Variants in PLB1 observed in about 807,000 individuals in gnomAD.
PLB1 encodes the protein phospholipase B1, membrane-associated.
A neutral mutation model predicts 227.4 loss-of-function variants in PLB1; 242 were observed. The ratio of observed to expected loss-of-function variants is 1.06; its 90% CI spans 0.96 to 1.18. The LOEUF is 1.18. Among genes scored for constraint, PLB1 ranks in the 50% most tolerant of loss-of-function variants. PLB1 has a pLI of 0.00. For synonymous variants in PLB1, 757 were observed against 682.2 expected, an observed-to-expected ratio of 1.11 and a Z score of -1.71; for missense variants, 1,858 against 1,816.3, an observed-to-expected ratio of 1.02 and a Z score of -0.42.
intron 49 of PLB1, among the ~76,000 whole-genome samples, chr2:28,622,553 C>T (rs1274401596): frequency 2.6e-5 from 4 of 152,218 alleles, no homozygotes; most frequent in African/African-American, 9.6e-5. Context: ...AATAAGAATT[C>T]ATTGAACACC....
At chr2:28,554,811 A>G (rs1674798209) in intron 17 of PLB1, among the ~76,000 whole-genome samples, 1 of 152,134 alleles carries the variant, frequency 6.6e-6, no homozygotes, top group Admixed American at 6.5e-5. Flanking sequence ...GCTGGGTAAA[A>G]TGTAAACCTC....
intron 1 of PLB1, among the ~76,000 whole-genome samples, chr2:28,509,847 G>A (rs1668032159): frequency 6.6e-6 from 1 of 152,160 alleles, no homozygotes; most frequent in South Asian, 2.1e-4. Context: ...GCACCTTGGG[G>A]TACTGTGGGA....
At chr2:28,520,593 A>G (rs1392673883) in intron 4 of PLB1, among the ~76,000 whole-genome samples, 2 of 152,194 alleles carry the variant, frequency 1.3e-5, no homozygotes, top group Non-Finnish European at 2.9e-5. Flanking sequence ...TACCCATGAA[A>G]TAACATCTCA....
chr2:28,589,944 C>G, intron 28 of PLB1, 61 bp from the exon 29 acceptor site: 1 of 1,512,640 alleles, frequency 6.6e-7, no homozygotes, highest in Non-Finnish European at 9.2e-7. Context: ...TGACCTGCGT[C>G]CTGAGCTTTC....
chr2:28,539,838 G>T (rs959259172), intron 11 of PLB1, among the ~76,000 whole-genome samples: 4 of 151,858 alleles, frequency 2.6e-5, no homozygotes, highest in African/African-American at 7.3e-5. Context: ...GGAGGACTGA[G>T]AGATGAAGGG....
In PLB1 at chr2:28,537,681, A is replaced by C. The variant is rs1339201499; in HGVS notation, c.556-638A>C. Among the ~76,000 whole-genome samples, 11 of 142,388 alleles carry C rather than the reference A, an allele frequency of 7.7e-5. No homozygotes were observed. In the East Asian group the frequency reaches 2.2e-3, roughly 28 times the overall value. The allele number at this position is 142,388 out of a possible 152,430, so 93.4% of individuals were successfully genotyped here. A position where few individuals can be genotyped will look rare whatever the true frequency, so the allele number is the denominator to read the frequency against. On this transcript the variant is annotated intron_variant, in intron 9 of 57. Transcript: ENST00000327757. ...CTCAAAAAAAAAAAAAAAAAAAAAA[A>C]GGTAAAGCAGGGTCCGTTTTTGAGG... is the stretch of plus-strand genomic sequence containing the variant.
chr2:28,573,930 C>T (rs144661156), intron 21 of PLB1, among the ~76,000 whole-genome samples: 4 of 152,350 alleles, frequency 2.6e-5, no homozygotes, highest in East Asian at 3.9e-4. Flanking sequence ...GGCAGTAATG[C>T]AGCAAGGTGG....
chr2:28,635,825 C>T (rs1689231383), intron 56 of PLB1, among the ~76,000 whole-genome samples: 1 of 152,182 alleles, frequency 6.6e-6, no homozygotes, highest in Non-Finnish European at 1.5e-5. Flanking sequence ...TGCCTCTACT[C>T]CCTCTTCTGC....
intron 34 of PLB1, 120 bp from the exon 35 acceptor site, chr2:28,598,532 C>T: frequency 2.6e-6 from 2 of 756,740 alleles, no homozygotes; most frequent in Non-Finnish European, 4.6e-6. Flanking sequence ...CCTGCCTCTC[C>T]CCAGGAAGCA....
chr2:28,504,541 G>A (rs555427117), intron 1 of PLB1, among the ~76,000 whole-genome samples: 6 of 152,174 alleles, frequency 3.9e-5, no homozygotes, highest in African/African-American at 1.2e-4. Flanking sequence ...TCAGGAGTTC[G>A]AGACCAGCCT....
At chr2:28,526,885 C>G (rs1330525756) in intron 6 of PLB1, among the ~76,000 whole-genome samples, 1 of 152,134 alleles carries the variant, frequency 6.6e-6, no homozygotes, top group Non-Finnish European at 1.5e-5. Flanking sequence ...ACTCATGGTC[C>G]AGCAGGGAAG....
intron 35 of PLB1, among the ~76,000 whole-genome samples, chr2:28,599,109 T>C (rs1167214088): frequency 5.3e-5 from 8 of 152,208 alleles, no homozygotes; most frequent in Non-Finnish European, 1.2e-4. Context: ...AAGTGGCAAT[T>C]TCCCAAAAAG....
intron 17 of PLB1, among the ~76,000 whole-genome samples, chr2:28,559,334 T>G (rs1467288009): frequency 6.6e-6 from 1 of 152,256 alleles, no homozygotes; most frequent in African/African-American, 2.4e-5. Flanking sequence ...CAGCCATCTG[T>G]GTTTTCACAG....
intron 1 of PLB1, among the ~76,000 whole-genome samples, chr2:28,508,567 G>A (rs1364748431): frequency 2.0e-5 from 3 of 152,174 alleles, no homozygotes; most frequent in Admixed American, 6.5e-5. Flanking sequence ...GTCCCTATAG[G>A]TCACATAGGG....
intron 4 of PLB1, among the ~76,000 whole-genome samples, chr2:28,523,335 G>GTTTT (rs199936505): frequency 3.0e-4 from 35 of 116,858 alleles, no homozygotes; most frequent in East Asian, 1.3e-3. Context: ...TATCTGCGAG[G>GTTTT]TTTTTTTTTT....
At chr2:28,516,969 C>T (rs1668926966) in intron 2 of PLB1, 100 bp downstream of exon 2, 1 of 1,219,578 alleles carries the variant, frequency 8.2e-7, no homozygotes, top group Non-Finnish European at 1.2e-6. Context: ...GTTGACAGGC[C>T]CCTTCCTGAG....
chr2:28,529,368 G>T lies in PLB1; in HGVS notation c.377G>T (p.Cys126Phe). 6.2e-7 allele frequency: 1 copy of T among 1,611,366 alleles called. No individual in the cohort carries two copies. Among genetic ancestry groups the T allele is most frequent in the East Asian group, 2.2e-5 (1 of 44,866 alleles). Residue 126 changes from cysteine (C) to phenylalanine (F), a missense_variant, in exon 7 of 58, where the codon TGC (cysteine) becomes TTC (phenylalanine). Cys to Phe is a radical substitution (Grantham distance 205). Transcript: ENST00000327757. ...AGTCCTTCTGTTCCAATGCCTGTGT[G>T]CCACACTGGAAAGAGAGTCATACCC... The part of the protein sequence containing the change: ...YFSPSVPMPV[C>F]HTGKRVIPHD...
At chr2:28,608,244 T>C (rs1014269308) in intron 43 of PLB1, among the ~76,000 whole-genome samples, 4 of 152,208 alleles carry the variant, frequency 2.6e-5, no homozygotes, top group Admixed American at 2.6e-4. Flanking sequence ...CCAGCCCAAC[T>C]TCACTGTGTT....
intron 43 of PLB1, among the ~76,000 whole-genome samples, chr2:28,612,610 T>C (rs891105491): frequency 1.2e-4 from 13 of 106,840 alleles, no homozygotes; most frequent in South Asian, 1.2e-3. Context: ...TGGTTTTCCC[T>C]TTTTTTTTTT....
Sources: gnomAD v4.1 joint callset for allele counts (sites outside exome capture counted in the v4.1 genomes callset) on GRCh38, gnomAD v4.1.1 for gene constraint, MANE v1.5 for transcripts, NCBI Gene and HGNC (gene_info 2026-07-23, HGNC 2026-07-21) for gene names.